Variants in NR3C2 observed in about 807,000 individuals in gnomAD.
NR3C2 encodes the protein mineralocorticoid receptor.
A neutral mutation model predicts 86.4 loss-of-function variants in NR3C2; 15 were observed. The ratio of observed to expected loss-of-function variants is 0.17; its 90% CI spans 0.12 to 0.27. The LOEUF (loss-of-function observed/expected upper bound fraction) is 0.27, where lower values mean the gene tolerates loss of function less well. NR3C2 is among the 10% of genes least tolerant of loss of function. The pLI, the probability that NR3C2 is intolerant of heterozygous loss-of-function variation, is 1.00. For synonymous variants in NR3C2, 458 were observed against 450.5 expected, an observed-to-expected ratio of 1.02 and a Z score of -0.21; for missense variants, 960 against 1,195.6, an observed-to-expected ratio of 0.80 and a Z score of 2.91.
At chr4:148,086,152 C>A (rs941484003) in intron 8 of NR3C2, among the ~76,000 whole-genome samples, 5 of 152,122 alleles carry the variant, frequency 3.3e-5, no homozygotes, top group African/African-American at 4.8e-5. Context: ...TCCTGATACC[C>A]AAACCTTGCA....
intron 2 of NR3C2, among the ~76,000 whole-genome samples, chr4:148,401,652 C>A (rs768229670): frequency 6.6e-6 from 1 of 151,722 alleles, no homozygotes; most frequent in Non-Finnish European, 1.5e-5. Context: ...TTAGTAGAGA[C>A]GGGATTTCAC....
chr4:148,370,428 G>GT (rs1222311384), intron 2 of NR3C2, among the ~76,000 whole-genome samples: 3 of 152,230 alleles, frequency 2.0e-5, no homozygotes, highest in East Asian at 1.9e-4. Flanking sequence ...TTTTGTTAAA[G>GT]TTTTTTCTGT....
chr4:148,391,347 TTTC>T (rs1386921942), intron 2 of NR3C2, among the ~76,000 whole-genome samples: 1 of 152,198 alleles, frequency 6.6e-6, no homozygotes, highest in Non-Finnish European at 1.5e-5. Context: ...AAATCAAGGT[TTTC>T]TTAATTTTAG....
Position 148,114,192 on chromosome 4 carries a change from C to T in NR3C2, c.2711G>A (p.Arg904Lys). 1 of 1,613,902 alleles carries T rather than the reference C, an allele frequency of 6.2e-7. No homozygotes were observed. The highest frequency in any genetic ancestry group is 8.5e-7 in the Non-Finnish European group (1 of 1,179,950). ...EMRTNYIKEL[R>K]KMVTKCPNNS... ...GTTGGGACACTTAGTTACCATCTTC[C>T]TCAGTTCTTTGATGTAATTTGTCCT... Residue 904 changes from arginine to lysine, a missense_variant, in exon 8 of 9, where the codon AGG becomes AAG. This residue lies in a region of NR3C2 where 151 missense variants were observed against 296.3 expected (regional missense o/e 0.51). Coordinates refer to ENST00000358102, the MANE Select transcript of NR3C2 (RefSeq NM_000901.5).
At chr4:148,149,480 CT>C in intron 6 of NR3C2, among the ~76,000 whole-genome samples, 1 of 152,188 alleles carries the variant, frequency 6.6e-6, no homozygotes, top group South Asian at 2.1e-4. Flanking sequence ...GTTTGGAGCC[CT>C]TTGTACTCAG....
At chr4:148,273,691 G>A (rs1242905760) in intron 2 of NR3C2, among the ~76,000 whole-genome samples, 1 of 152,168 alleles carries the variant, frequency 6.6e-6, no homozygotes, top group Non-Finnish European at 1.5e-5. Flanking sequence ...AAGGAACACA[G>A]GGCTGAGACA....
intron 2 of NR3C2, among the ~76,000 whole-genome samples, chr4:148,383,207 T>C (rs1023378447): frequency 3.9e-5 from 6 of 152,182 alleles, no homozygotes; most frequent in African/African-American, 1.2e-4. Context: ...TATAACAGGA[T>C]TTAAAGCTGC....
chr4:148,321,566 A>T (rs962555824), intron 2 of NR3C2, among the ~76,000 whole-genome samples: 1 of 152,054 alleles, frequency 6.6e-6, no homozygotes, highest in East Asian at 1.9e-4. Context: ...GTGCTCCTGT[A>T]TTGGGTGCAT....
At chr4:148,094,107 C>A (rs1340436159) in intron 8 of NR3C2, among the ~76,000 whole-genome samples, 1 of 152,120 alleles carries the variant, frequency 6.6e-6, no homozygotes, top group African/African-American at 2.4e-5. Flanking sequence ...CATCTCCAGT[C>A]ATCAGAGAAA....
At chr4:148,268,668 A>G (rs943478834) in intron 2 of NR3C2, among the ~76,000 whole-genome samples, 10 of 152,222 alleles carry the variant, frequency 6.6e-5, no homozygotes, top group African/African-American at 2.4e-4. Flanking sequence ...CCAAGTGCAG[A>G]TGATGGCAAA....
At chr4:148,168,033 A>G (rs1366110603) in intron 4 of NR3C2, among the ~76,000 whole-genome samples, 4 of 152,234 alleles carry the variant, frequency 2.6e-5, no homozygotes, top group Admixed American at 1.3e-4. Flanking sequence ...TAACCTTGAG[A>G]GAGTCTGAAG....
chr4:148,143,893 G>A (rs1733738285), intron 6 of NR3C2, among the ~76,000 whole-genome samples: 2 of 139,566 alleles, frequency 1.4e-5, no homozygotes, highest in African/African-American at 2.7e-5. Flanking sequence ...TTTGCGGTGA[G>A]CCGAGATCGC....
At chr4:148,272,472 A>C (rs749700182) in intron 2 of NR3C2, among the ~76,000 whole-genome samples, 7 of 152,298 alleles carry the variant, frequency 4.6e-5, no homozygotes, top group Non-Finnish European at 7.4e-5. Flanking sequence ...GTGTGTGTGT[A>C]TAAGTGTGTG....
At position 148,152,504 on chromosome 4, in the gene NR3C2, T is replaced by G; in HGVS notation, c.2475A>C (p.Gln825His). 1 of 1,614,116 alleles carries G rather than the reference T, an allele frequency of 6.2e-7. No individual in the cohort carries two copies. The highest frequency in any genetic ancestry group is 8.5e-7 in the Non-Finnish European group (1 of 1,179,974). Reference sequence around the variant, plus strand: ...CTAGGTCTGGTGCAAAATAGAGAAATTGGCTGTTCGTATGTTTGTACGATC... The same window carrying G: ...CTAGGTCTGGTGCAAAATAGAGAAAGTGGCTGTTCGTATGTTTGTACGATC... Reference protein sequence around the residue: ...SWRSYKHTNSQFLYFAPDLVF... With the variant: ...SWRSYKHTNSHFLYFAPDLVF... Residue 825 changes from glutamine to histidine, a missense_variant, in exon 6 of 9, where the codon CAA (glutamine) becomes CAC (histidine). Coordinates refer to ENST00000358102, the MANE Select transcript of NR3C2 (RefSeq NM_000901.5).
chr4:148,295,921 G>A (rs1742026105), intron 2 of NR3C2, among the ~76,000 whole-genome samples: 1 of 151,384 alleles, frequency 6.6e-6, no homozygotes, highest in Non-Finnish European at 1.5e-5. Flanking sequence ...TCTAATAATT[G>A]CATTTTTTAT....
chr4:148,266,670 A>T (rs1025498151), intron 2 of NR3C2, among the ~76,000 whole-genome samples: 5 of 152,184 alleles, frequency 3.3e-5, no homozygotes, highest in Non-Finnish European at 7.3e-5. Context: ...TGTTTTAAGG[A>T]GTCAGGTCAC....
chr4:148,269,026 TA>T (rs1740534454), intron 2 of NR3C2, among the ~76,000 whole-genome samples: 1 of 152,154 alleles, frequency 6.6e-6, no homozygotes, highest in Non-Finnish European at 1.5e-5. Context: ...ACTTAAAAGA[TA>T]GGTTGTCCTC....
intron 6 of NR3C2, among the ~76,000 whole-genome samples, chr4:148,133,766 C>T (rs901124954): frequency 8.5e-5 from 13 of 152,158 alleles, no homozygotes; most frequent in Middle Eastern, 3.2e-3. Context: ...GCCTCCAAGG[C>T]GACAGCAGAG....
At chr4:148,212,634 G>A (rs1395941415) in intron 3 of NR3C2, among the ~76,000 whole-genome samples, 3 of 152,142 alleles carry the variant, frequency 2.0e-5, no homozygotes, top group Non-Finnish European at 2.9e-5. Context: ...CACATATAGG[G>A]AGCCAAGAAA....
Sources: allele counts gnomAD v4.1 joint callset (sites outside exome capture counted in the v4.1 genomes callset), GRCh38; gene constraint gnomAD v4.1.1; regional missense constraint gnomAD v4.1.1; transcripts MANE v1.5; gene names NCBI Gene and HGNC (gene_info 2026-07-23, HGNC 2026-07-21).